The following GLI3 variants were observed in gnomAD, a reference collection of about 807,000 sequenced individuals.
GLI3 encodes the protein GLI family zinc finger 3.
A neutral mutation model predicts 100.8 loss-of-function variants in GLI3; 20 were observed. The ratio of observed to expected loss-of-function variants is 0.20; its 90% CI spans 0.14 to 0.29. The LOEUF is 0.29. Ranked by LOEUF, GLI3 falls within the 10% of genes least tolerant of loss-of-function variation. GLI3 has a pLI of 1.00. For missense variants in GLI3, 2,040 were observed against 2,128.5 expected, an observed-to-expected ratio of 0.96 and a Z score of 0.82; for synonymous variants, 938 against 860.5, an observed-to-expected ratio of 1.09 and a Z score of -1.58.
chr7:42,025,247 C>A lies in GLI3; in HGVS notation c.1356+17G>T. 6.5e-7 allele frequency: 1 copy of A among 1,545,314 alleles called. No individual in the cohort carries two copies. Among genetic ancestry groups the A allele is most frequent in the Non-Finnish European group, 8.9e-7 (1 of 1,117,762 alleles). On this transcript the variant is annotated intron_variant, in intron 9 of 14. Transcript: ENST00000395925. ...TGGGAGGAGTGGGCGCTGGCCTGTG[C>A]GGCCTCGGTGTCCTACCTGCTGCCC...
intron 3 of GLI3, among the ~76,000 whole-genome samples, chr7:42,101,988 A>T (rs1334931926): frequency 4.0e-5 from 6 of 151,444 alleles, no homozygotes; most frequent in Non-Finnish European, 8.8e-5. Context: ...TTCCAATTTC[A>T]TCCATGTCCC....
chr7:41,997,927 T>C (rs949610782), intron 10 of GLI3, among the ~76,000 whole-genome samples: 2 of 152,182 alleles, frequency 1.3e-5, no homozygotes, highest in Non-Finnish European at 2.9e-5. Context: ...AGCTCTAATA[T>C]TGATGTTTTC....
rs1170663618 is a variant in GLI3, at chr7:41,961,765, C to T, written c.*2565G>A. ...CCTACAGAGATCCCAAAAGGATGTC[C>T]CAAAAAGATGCTTCTAAGTGACCTC... On this transcript the variant is annotated 3_prime_UTR_variant, in exon 15 of 15. Coordinates refer to ENST00000395925, the MANE Select transcript of GLI3 (RefSeq NM_000168.6). The T allele has an allele frequency of 6.6e-6, 1 of 151,952 alleles. No individual in the cohort carries two copies. The highest frequency in any genetic ancestry group is 2.4e-5 in the African/African-American group (1 of 41,344). The allele number at this position is 151,952 out of a possible 1,614,324, so 9.4% of individuals were successfully genotyped here. A position where few individuals can be genotyped will look rare whatever the true frequency, so the allele number is the denominator to read the frequency against.
chr7:41,986,364 T>G (rs929639671), intron 10 of GLI3, among the ~76,000 whole-genome samples: 1 of 152,172 alleles, frequency 6.6e-6, no homozygotes, highest in African/African-American at 2.4e-5. Flanking sequence ...TAATGTTGGA[T>G]CTGAAGAAGA....
intron 3 of GLI3, among the ~76,000 whole-genome samples, chr7:42,142,605 C>A (rs900418709): frequency 1.3e-5 from 2 of 152,032 alleles, no homozygotes; most frequent in Non-Finnish European, 2.9e-5. Flanking sequence ...GACTCACGGT[C>A]GCATCAGGCA....
At chr7:42,180,261 A>G (rs1227154317) in intron 2 of GLI3, among the ~76,000 whole-genome samples, 1 of 152,186 alleles carries the variant, frequency 6.6e-6, no homozygotes, top group African/African-American at 2.4e-5. Flanking sequence ...AAAACTGACC[A>G]CTGGTCTAAG....
chr7:42,016,681 T>C (rs1329436384), intron 10 of GLI3, among the ~76,000 whole-genome samples: 1 of 152,040 alleles, frequency 6.6e-6, no homozygotes, highest in Non-Finnish European at 1.5e-5. Flanking sequence ...TGCTAATTCT[T>C]CTCAAATCAT....
At position 42,020,807 on chromosome 7, in the gene GLI3, G is replaced by A. The variant is rs369106575; in HGVS notation, c.1497+2661C>T. ...CGGGAGGCTGAGGCAGGAGAATGGC[G>A]TGAACCTGGGAGGCGGAGCTTGCAG... On this transcript the variant is annotated intron_variant, in intron 10 of 14. Coordinates refer to ENST00000395925, the MANE Select transcript of GLI3 (RefSeq NM_000168.6). Among the ~76,000 whole-genome samples, 100 of 151,450 alleles carry A rather than the reference G, an allele frequency of 6.6e-4. 2 individuals are homozygous for A. In the East Asian group the frequency reaches 0.019, roughly 28 times the overall value.
At chr7:42,207,475 C>T (rs981207788) in intron 2 of GLI3, among the ~76,000 whole-genome samples, 5 of 152,242 alleles carry the variant, frequency 3.3e-5, no homozygotes, top group Admixed American at 6.5e-5. Flanking sequence ...AATGTTGATA[C>T]GTGTTTCTGA....
chr7:42,100,532 T>C (rs1425734035), intron 3 of GLI3, among the ~76,000 whole-genome samples: 1 of 151,840 alleles, frequency 6.6e-6, no homozygotes, highest in East Asian at 1.9e-4. Flanking sequence ...GCTCAGGAGT[T>C]TCAGACTAAC....
At chr7:42,182,662 A>ATATATACATGTGTGTGTG (rs1554337065) in intron 2 of GLI3, among the ~76,000 whole-genome samples, 1 of 76,742 alleles carries the variant, frequency 1.3e-5, no homozygotes, top group Non-Finnish European at 2.5e-5. Context: ...ATATATATAT[A>ATATATACATGTGTGTGTG]TATATATATA....
At chr7:42,112,462 C>T (rs1311053387) in intron 3 of GLI3, among the ~76,000 whole-genome samples, 6 of 151,778 alleles carry the variant, frequency 4.0e-5, no homozygotes, top group Non-Finnish European at 8.8e-5. Context: ...TTTTAAATAA[C>T]GAAAAGGGTG....
intron 4 of GLI3, among the ~76,000 whole-genome samples, chr7:42,055,645 C>T (rs1255687894): frequency 6.6e-6 from 1 of 152,180 alleles, no homozygotes; most frequent in East Asian, 1.9e-4. Context: ...ACCCTACCCA[C>T]ACCTCTGTAC....
chr7:42,258,115 A>C (rs567145191), intron 1 of GLI3, among the ~76,000 whole-genome samples: 8 of 152,234 alleles, frequency 5.3e-5, no homozygotes, highest in African/African-American at 1.9e-4. Context: ...TAATGTGATT[A>C]ATGTGCGTCT....
intron 2 of GLI3, among the ~76,000 whole-genome samples, chr7:42,155,568 A>G (rs985483048): frequency 1.3e-5 from 2 of 152,150 alleles, no homozygotes; most frequent in Admixed American, 6.5e-5. Context: ...CAATATCCCA[A>G]TGGCTTCCAC....
intron 2 of GLI3, among the ~76,000 whole-genome samples, chr7:42,215,870 T>TTCAATCC (rs71006466): frequency 0.41 from 61,959 of 151,048 alleles, 14,930 homozygotes; most frequent in East Asian, 0.75. Flanking sequence ...TAGCCAATCC[T>TTCAATCC]TCAATCCTCA....
chr7:42,035,690 G>A (rs1001822855), intron 7 of GLI3, among the ~76,000 whole-genome samples: 2 of 152,178 alleles, frequency 1.3e-5, no homozygotes, highest in Non-Finnish European at 2.9e-5. Context: ...GACTACAGAA[G>A]AAGGGGGTCA....
chr7:42,064,618 G>A (rs1425222283), intron 4 of GLI3, among the ~76,000 whole-genome samples: 1 of 152,152 alleles, frequency 6.6e-6, no homozygotes, highest in East Asian at 1.9e-4. Context: ...ATTATTGGGT[G>A]GGGAAGGGAT....
intron 3 of GLI3, among the ~76,000 whole-genome samples, chr7:42,137,487 T>C (rs1786458044): frequency 6.6e-6 from 1 of 152,080 alleles, no homozygotes; most frequent in Non-Finnish European, 1.5e-5. Flanking sequence ...AGTAGAATGC[T>C]CTCCCTCAGA....
Sources: allele counts gnomAD v4.1 joint callset (sites outside exome capture counted in the v4.1 genomes callset), GRCh38; gene constraint gnomAD v4.1.1; transcripts MANE v1.5; gene names NCBI Gene and HGNC (gene_info 2026-07-23, HGNC 2026-07-21).